Variants in RYR2 observed in about 807,000 individuals in gnomAD.
RYR2 encodes the protein cardiac muscle ryanodine receptor-calcium release channel.
RYR2 carries 227 observed loss-of-function variants against 601.1 expected under a neutral mutation model. The observed-to-expected ratio is 0.38, with a 90% CI of 0.34 to 0.42. RYR2 has a LOEUF of 0.42. Ranked by LOEUF, RYR2 falls within the 10% of genes least tolerant of loss-of-function variation. RYR2 has a pLI of 1.00. For synonymous variants in RYR2, 2,223 were observed against 2,175.1 expected (o/e 1.02, Z -0.61); for missense variants, 4,646 against 6,156.5 (o/e 0.75, Z 8.21).
intron 35 of RYR2, among the ~76,000 whole-genome samples, chr1:237,603,355 G>A (rs1676723546): frequency 6.6e-6 from 1 of 152,168 alleles, no homozygotes; most frequent in South Asian, 2.1e-4. Context: ...CCAGCAAGGG[G>A]ACAGAGTGGG....
At chr1:237,332,906 TCCTGAGCTCAAA>T (rs11274568) in intron 3 of RYR2, among the ~76,000 whole-genome samples, 67,341 of 151,918 alleles carry the variant, frequency 0.44, 17,507 homozygotes, top group Admixed American at 0.6. Context: ...GGTCTTGAGC[TCCTGAGCTCAAA>T]CAATCCTCCT....
chr1:237,267,261 G>A (rs1009111475), intron 1 of RYR2, among the ~76,000 whole-genome samples: 2 of 152,216 alleles, frequency 1.3e-5, no homozygotes, highest in Admixed American at 1.3e-4. Context: ...GCCCACGCCT[G>A]TAATCCTGGC....
chr1:237,553,935 A>G (rs1670642358), intron 27 of RYR2, among the ~76,000 whole-genome samples: 1 of 151,940 alleles, frequency 6.6e-6, no homozygotes, highest in Non-Finnish European at 1.5e-5. Context: ...GGGATTGTCT[A>G]TATACATAAT....
chr1:237,698,674 G>A (rs948708253), intron 63 of RYR2, among the ~76,000 whole-genome samples: 1 of 143,452 alleles, frequency 7.0e-6, no homozygotes, highest in African/African-American at 2.4e-5. Flanking sequence ...GGGAGGGAGA[G>A]GGGATTATTG....
At chr1:237,309,958 C>T (rs923377912) in intron 2 of RYR2, among the ~76,000 whole-genome samples, 6 of 152,322 alleles carry the variant, frequency 3.9e-5, no homozygotes, top group Admixed American at 6.5e-5. Flanking sequence ...CCAGCACAAG[C>T]GCCACGCGCA....
chr1:237,190,367 C>T (rs568820813), intron 1 of RYR2, among the ~76,000 whole-genome samples: 2 of 152,248 alleles, frequency 1.3e-5, no homozygotes, highest in Admixed American at 1.3e-4. Flanking sequence ...AGGTATTGAG[C>T]GTCTTTTTGT....
At chr1:237,479,898 C>T (rs1225245565) in intron 17 of RYR2, among the ~76,000 whole-genome samples, 1 of 152,092 alleles carries the variant, frequency 6.6e-6, no homozygotes, top group South Asian at 2.1e-4. Context: ...CTACACAGCT[C>T]AGATGTCACC....
intron 25 of RYR2, among the ~76,000 whole-genome samples, chr1:237,535,186 A>G (rs537994809): frequency 6.6e-6 from 1 of 151,982 alleles, no homozygotes; most frequent in African/African-American, 2.4e-5. Context: ...TTATAATAAG[A>G]GCAATATTAA....
At chr1:237,578,312 G>A (rs991643238) in intron 29 of RYR2, among the ~76,000 whole-genome samples, 6 of 152,142 alleles carry the variant, frequency 3.9e-5, no homozygotes, top group African/African-American at 1.4e-4. Flanking sequence ...AAAAAAAATG[G>A]CTCAGGTACA....
At chr1:237,636,096 A>G (rs1680846030) in intron 44 of RYR2, among the ~76,000 whole-genome samples, 1 of 152,086 alleles carries the variant, frequency 6.6e-6, no homozygotes, top group African/African-American at 2.4e-5. Context: ...AAATATTTGT[A>G]TATTCTGTAC....
intron 12 of RYR2, among the ~76,000 whole-genome samples, chr1:237,440,485 C>T (rs1707807715): frequency 6.6e-6 from 1 of 151,992 alleles, no homozygotes; most frequent in African/African-American, 2.4e-5. Flanking sequence ...AAGATCACAG[C>T]TATGCATGGG....
At chr1:237,131,818 T>G (rs941835189) in intron 1 of RYR2, among the ~76,000 whole-genome samples, 1 of 151,980 alleles carries the variant, frequency 6.6e-6, no homozygotes, top group African/African-American at 2.4e-5. Context: ...CCTCCAGGGT[T>G]CAAGTGATCC....
At chr1:237,569,505 TC>T (rs1559043097) in intron 29 of RYR2, among the ~76,000 whole-genome samples, 186 bp downstream of exon 29, 3 of 152,168 alleles carry the variant, frequency 2.0e-5, no homozygotes, top group Non-Finnish European at 4.4e-5. Context: ...AGAAATGCTA[TC>T]TATACGACTT....
At chr1:237,699,279 T>C (rs749801392) in intron 64 of RYR2, among the ~76,000 whole-genome samples, 11 of 152,186 alleles carry the variant, frequency 7.2e-5, no homozygotes, top group Non-Finnish European at 1.5e-4. Flanking sequence ...GAACTGGTAA[T>C]GTATCACGCA....
intron 4 of RYR2, among the ~76,000 whole-genome samples, chr1:237,363,832 C>A (rs1320120953): frequency 6.6e-6 from 1 of 152,136 alleles, no homozygotes; most frequent in Non-Finnish European, 1.5e-5. Flanking sequence ...ATTCACCTTT[C>A]ACAATATTCA....
intron 38 of RYR2, among the ~76,000 whole-genome samples, chr1:237,618,654 T>C (rs993019559): frequency 6.6e-6 from 1 of 152,092 alleles, no homozygotes; most frequent in African/African-American, 2.4e-5. Flanking sequence ...AAGACAGAAA[T>C]GTGTTAGATA....
intron 1 of RYR2, among the ~76,000 whole-genome samples, chr1:237,242,121 A>G (rs1462842166): frequency 6.6e-6 from 1 of 152,194 alleles, no homozygotes; most frequent in Non-Finnish European, 1.5e-5. Flanking sequence ...GAAAAGTCCT[A>G]TTACTGCTAG....
intron 1 of RYR2, among the ~76,000 whole-genome samples, chr1:237,107,332 T>TA (rs747530964): frequency 7.9e-5 from 12 of 151,164 alleles, no homozygotes; most frequent in Non-Finnish European, 1.8e-4. Flanking sequence ...CCATCCTGGC[T>TA]AACACGGTGA....
intron 101 of RYR2, among the ~76,000 whole-genome samples, chr1:237,820,024 T>A (rs1331906151): frequency 6.6e-6 from 1 of 151,674 alleles, no homozygotes; most frequent in African/African-American, 2.4e-5. Context: ...TTGTCTCTAC[T>A]AAAAATACAA....
Sources: gnomAD v4.1 joint callset for allele counts (sites outside exome capture counted in the v4.1 genomes callset) on GRCh38, gnomAD v4.1.1 for gene constraint, MANE v1.5 for transcripts, NCBI Gene and HGNC (gene_info 2026-07-23, HGNC 2026-07-21) for gene names.